Variants in CADPS observed in about 807,000 individuals in gnomAD.
CADPS encodes calcium-dependent secretion activator 1.
In CADPS, 57 loss-of-function variants were observed where a neutral mutation model predicts 167.3. The observed-to-expected ratio is 0.34, with a 90% CI of 0.28 to 0.42. The LOEUF (loss-of-function observed/expected upper bound fraction) is 0.42, where lower values mean the gene tolerates loss of function less well. Ranked by LOEUF, CADPS falls within the 20% of genes least tolerant of loss-of-function variation. CADPS has a pLI of 1.00. For missense variants in CADPS, 1,414 were observed against 1,738.1 expected (o/e 0.81, Z 3.32); for synonymous variants, 676 against 635.3 (o/e 1.06, Z -0.96).
intron 1 of CADPS, among the ~76,000 whole-genome samples, chr3:62,791,397 A>G (rs983664392): frequency 1.3e-5 from 2 of 152,194 alleles, no homozygotes; most frequent in Admixed American, 6.5e-5. Context: ...CAGCCTTGCT[A>G]TATAGAATAT....
chr3:62,434,023 T>C (rs2054493802), intron 28 of CADPS, among the ~76,000 whole-genome samples: 1 of 152,218 alleles, frequency 6.6e-6, no homozygotes, highest in African/African-American at 2.4e-5. Flanking sequence ...TTCATATCCA[T>C]GTTTTATATT....
intron 6 of CADPS, among the ~76,000 whole-genome samples, chr3:62,613,473 T>G (rs1288951041): frequency 6.6e-6 from 1 of 152,188 alleles, no homozygotes; most frequent in Non-Finnish European, 1.5e-5. Flanking sequence ...AGTTCCTTTA[T>G]GTAGGATTTC....
At chr3:62,851,314 A>C (rs2078532294) in intron 1 of CADPS, among the ~76,000 whole-genome samples, 1 of 118,244 alleles carries the variant, frequency 8.5e-6, no homozygotes, top group Admixed American at 8.9e-5. Context: ...TGATCCTGTC[A>C]TTATGATGTT....
chr3:62,490,857 T>C (rs946263764), intron 21 of CADPS, among the ~76,000 whole-genome samples: 9 of 152,232 alleles, frequency 5.9e-5, no homozygotes, highest in African/African-American at 1.9e-4. Context: ...ATACTGTCTA[T>C]GACTGCTTTC....
At chr3:62,453,902 C>T (rs969177400) in intron 26 of CADPS, among the ~76,000 whole-genome samples, 1 of 152,140 alleles carries the variant, frequency 6.6e-6, no homozygotes, top group Admixed American at 6.5e-5. Context: ...GGGTCAAATG[C>T]TACATGGATG....
chr3:62,776,381 A>G (rs2090304098), intron 1 of CADPS, among the ~76,000 whole-genome samples: 1 of 152,188 alleles, frequency 6.6e-6, no homozygotes, highest in Non-Finnish European at 1.5e-5. Context: ...TTGGCCGGGC[A>G]CGGTGGCTCA....
intron 3 of CADPS, among the ~76,000 whole-genome samples, chr3:62,671,248 G>GT (rs2075456932): frequency 6.6e-6 from 1 of 152,018 alleles, no homozygotes; most frequent in East Asian, 1.9e-4. Flanking sequence ...CAGAGACTAT[G>GT]TTTTTTATCC....
chr3:62,534,211 A>G (rs1475288074), intron 12 of CADPS, among the ~76,000 whole-genome samples: 1 of 152,170 alleles, frequency 6.6e-6, no homozygotes, highest in South Asian at 2.1e-4. Flanking sequence ...ATATAAACTT[A>G]ATTTTACTTT....
At position 62,433,316 on chromosome 3, in the gene CADPS, T is replaced by C. The variant is rs1007292792; in HGVS notation, c.3777+4788A>G. 3.3e-5 allele frequency among the ~76,000 whole-genome samples: 5 copies of C among 152,086 alleles called. No homozygotes were observed. The highest frequency in any genetic ancestry group is 1.2e-4 in the African/African-American group (5 of 41,416). ...CCACACAAACTGGACAAATACACGA[T>C]TTGAAAATGGAACAGCAAATTAAAA... is the stretch of plus-strand genomic sequence containing the variant. On this transcript the variant is annotated intron_variant, in intron 28 of 29. Transcript: ENST00000383710. The surrounding 1 kb of genome is among the most constrained non-coding windows in gnomAD (Gnocchi z 4.7).
intron 10 of CADPS, among the ~76,000 whole-genome samples, chr3:62,550,639 G>A (rs766677218): frequency 6.6e-6 from 1 of 152,136 alleles, no homozygotes; most frequent in Non-Finnish European, 1.5e-5. Context: ...GCTCCCAGAT[G>A]ATTCAGATGG....
intron 28 of CADPS, among the ~76,000 whole-genome samples, chr3:62,409,232 T>C (rs913459782): frequency 6.6e-6 from 1 of 152,248 alleles, no homozygotes; most frequent in East Asian, 1.9e-4. Context: ...TAAATCTGTA[T>C]AAAAGTTGTT....
intron 3 of CADPS, among the ~76,000 whole-genome samples, chr3:62,713,891 A>G (rs1334446656): frequency 6.6e-6 from 1 of 152,178 alleles, no homozygotes. Flanking sequence ...CATTCCTGCT[A>G]CTTATAGCCT....
At chr3:62,597,618 C>T (rs1047749717) in intron 6 of CADPS, among the ~76,000 whole-genome samples, 2 of 152,152 alleles carry the variant, frequency 1.3e-5, no homozygotes, top group African/African-American at 4.8e-5. Context: ...CCCAAAGATG[C>T]TCAGCTCATA....
chr3:62,493,609 C>T, intron 19 of CADPS, 36 bp downstream of exon 19: 1 of 1,518,690 alleles, frequency 6.6e-7, no homozygotes, highest in Non-Finnish European at 9.0e-7. Context: ...AATAGGGGTC[C>T]ACCTCTCTTC....
intron 17 of CADPS, chr3:62,500,611 T>C (rs1054569463): frequency 2.0e-5 from 3 of 152,142 alleles, no homozygotes; most frequent in African/African-American, 7.2e-5. Flanking sequence ...TTAGTAGAAT[T>C]CCCCAAGTAG....
chr3:62,828,654 CAAAAGCATACTTATTTAAA>C (rs988519415), intron 1 of CADPS, among the ~76,000 whole-genome samples: 20 of 152,040 alleles, frequency 1.3e-4, no homozygotes, highest in Middle Eastern at 6.8e-3. Flanking sequence ...TTGATGTTAT[CAAAAGCATACTTATTTAAA>C]AAAAGCATAC....
intron 5 of CADPS, among the ~76,000 whole-genome samples, chr3:62,646,314 G>A (rs367544308): frequency 7.3e-4 from 111 of 151,806 alleles, no homozygotes; most frequent in Non-Finnish European, 1.2e-3. Context: ...ACAGGTGCAC[G>A]CCACCATGCC....
chr3:62,707,398 G>A (rs573093962), intron 3 of CADPS, among the ~76,000 whole-genome samples: 2 of 152,088 alleles, frequency 1.3e-5, no homozygotes, highest in African/African-American at 4.8e-5. Flanking sequence ...GGGGAGCACT[G>A]TTTTAGGGGG....
intron 1 of CADPS, among the ~76,000 whole-genome samples, chr3:62,769,568 C>T (rs1207853965): frequency 6.6e-6 from 1 of 152,162 alleles, no homozygotes; most frequent in African/African-American, 2.4e-5. Flanking sequence ...ATACTATTCC[C>T]TTGAGAATGC....
Sources: gnomAD v4.1 joint callset for allele counts (sites outside exome capture counted in the v4.1 genomes callset) on GRCh38, gnomAD v4.1.1 for gene constraint, Gnocchi (gnomAD v3.1) non-coding constraint, MANE v1.5 for transcripts, NCBI Gene and HGNC (gene_info 2026-07-23, HGNC 2026-07-21) for gene names.